PCDHA5: variants seen among roughly 807,000 people sequenced by gnomAD.
PCDHA5 encodes protocadherin alpha 5.
PCDHA5 carries 43 observed loss-of-function variants against 61.6 expected under a neutral mutation model. The ratio of observed to expected loss-of-function variants is 0.70; its 90% CI spans 0.55 to 0.90. The LOEUF is 0.90. Ranked by LOEUF, PCDHA5 falls within the 40% of genes least tolerant of loss-of-function variation. The pLI is 0.00. For missense variants in PCDHA5, 1,298 were observed against 1,222.7 expected, an observed-to-expected ratio of 1.06 and a Z score of -0.92; for synonymous variants, 627 against 543.9, an observed-to-expected ratio of 1.15 and a Z score of -2.13.
rs2150351918 is a variant in PCDHA5, at chr5:140,843,075, TG to T, written c.2352+18951del. ...GCGAGCAAGCTGGTGCCGCGGTCTG[TG>T]GGCGCGGGCCACGTGGTAGCGAAGG... On this transcript the variant is annotated intron_variant, in intron 1 of 3. Coordinates refer to ENST00000529859, the MANE Select transcript of PCDHA5 (RefSeq NM_018908.3). 2.6e-5 allele frequency: 42 copies of T among 1,595,158 alleles called. 6 individuals carry two copies. Among genetic ancestry groups the T allele is most frequent in the Non-Finnish European group, 1.6e-5 (19 of 1,165,272 alleles).
intron 3 of PCDHA5, among the ~76,000 whole-genome samples, chr5:140,991,068 T>A (rs1563570560): frequency 6.6e-6 from 1 of 152,216 alleles, no homozygotes; most frequent in Admixed American, 6.5e-5. Flanking sequence ...ATTATTCCCA[T>A]GTTTCAGATA....
chr5:140,936,744 T>A (rs1204618787), intron 1 of PCDHA5, among the ~76,000 whole-genome samples: 5 of 152,216 alleles, frequency 3.3e-5, no homozygotes, highest in Non-Finnish European at 5.9e-5. Context: ...AACTTTTCAT[T>A]TGTATTGATA....
At position 140,903,816 on chromosome 5, in the gene PCDHA5, C is replaced by T. The variant is rs963125816; in HGVS notation, c.2353-75133C>T. On this transcript the variant is annotated intron_variant, in intron 1 of 3. Coordinates refer to ENST00000529859, the MANE Select transcript of PCDHA5 (RefSeq NM_018908.3). ...TTGTAATTGACAAGTATAGTTCTCACATGAATGTCTGTTGGTATTTTCATT... is the reference window on the plus strand; with the variant it reads ...TTGTAATTGACAAGTATAGTTCTCATATGAATGTCTGTTGGTATTTTCATT... Among the ~76,000 whole-genome samples, 7 of 152,190 alleles carry T rather than the reference C, an allele frequency of 4.6e-5. 1 individual carries two copies. The highest frequency in any genetic ancestry group is 2.6e-4 in the Admixed American group (4 of 15,282).
At position 140,978,971 on chromosome 5, in the gene PCDHA5, G is replaced by T. The variant is rs782774245; in HGVS notation, c.2375G>T (p.Trp792Leu). Residue 792 changes from tryptophan (W) to leucine (L), a missense_variant, in exon 2 of 4, where the codon TGG becomes TTG. Physicochemically the swap from Trp to Leu is moderately conservative, Grantham distance 61 (BLOSUM62 -2). Coordinates refer to ENST00000529859, the MANE Select transcript of PCDHA5 (RefSeq NM_018908.3). ...TDNPRQPNPD[W>L]RYSASLRAGM... is the part of the protein sequence containing the mutation. ...CAGCCACGACAGCCCAACCCTGACT[G>T]GCGTTACTCTGCCTCCCTGAGAGCA... The T allele has an allele frequency of 6.2e-7, 1 of 1,614,170 alleles. No individual in the cohort carries two copies. The highest frequency in any genetic ancestry group is 1.1e-5 in the South Asian group (1 of 91,076).
At position 140,823,407 on chromosome 5, in the gene PCDHA5, G is replaced by A. The variant is rs1554129331; in HGVS notation, c.1632G>A (p.Leu544=). 18 of 1,613,060 alleles carry A rather than the reference G, an allele frequency of 1.1e-5. No individual in the cohort carries two copies. The highest frequency in any genetic ancestry group is 1.4e-5 in the Non-Finnish European group (16 of 1,179,812). ...VSARDAGVPP[L]GSNVTLQVFV... ...CGCGCGACGCGGGCGTGCCGCCTCT[G>A]GGCAGCAACGTGACGCTGCAGGTGT... The change falls in exon 1 of 4, where the codon CTG becomes CTA. Residue 544 remains leucine (L), a synonymous_variant. Coordinates refer to ENST00000529859, the MANE Select transcript of PCDHA5 (RefSeq NM_018908.3).
rs185233104 is a variant in PCDHA5, at chr5:140,979,751, C to T, written c.2411+744C>T. 6.6e-5 allele frequency among the ~76,000 whole-genome samples: 10 copies of T among 152,136 alleles called. No individual in the cohort carries two copies. The South Asian group carries it at 1.2e-3, about 19-fold the overall frequency. On this transcript the variant is annotated intron_variant, in intron 2 of 3. Coordinates refer to ENST00000529859, the MANE Select transcript of PCDHA5 (RefSeq NM_018908.3). ...GGCCAAATAAAAGATTCATTATTTG[C>T]GAATGTCTTTGGAAACCAAATGGGA...
intron 1 of PCDHA5, chr5:140,857,097 T>A: frequency 6.3e-7 from 1 of 1,597,284 alleles, no homozygotes; most frequent in South Asian, 1.1e-5. Context: ...CCTGAGGTGA[T>A]TGTCACTTCT....
In PCDHA5 at chr5:140,822,230, C is replaced by T. The variant is rs1767239116; in HGVS notation, c.455C>T (p.Pro152Leu). 1.2e-6 allele frequency: 2 copies of T among 1,614,084 alleles called. No homozygotes were observed. The highest frequency in any genetic ancestry group is 8.5e-7 in the Non-Finnish European group (1 of 1,180,050). ...LESRMPDSRF[P>L]LEGASDLDIG... ...TCAAGAATGCCAGATTCGCGGTTTC[C>T]GCTAGAGGGCGCGTCGGATTTGGAT... The change falls in exon 1 of 4, where the codon CCG (proline) becomes CTG (leucine). Residue 152 changes from proline to leucine, a missense_variant. Pro to Leu is a moderately conservative substitution (Grantham distance 98). Coordinates refer to ENST00000529859, the MANE Select transcript of PCDHA5 (RefSeq NM_018908.3).
intron 1 of PCDHA5, chr5:140,850,039 G>A (rs1554143677): frequency 1.3e-6 from 2 of 1,596,568 alleles, no homozygotes; most frequent in African/African-American, 2.7e-5. Flanking sequence ...GCGGAGAGCG[G>A]CAAGGTGTAC....
At chr5:140,862,623 G>T in intron 1 of PCDHA5, 1 of 531,204 alleles carries the variant, frequency 1.9e-6, no homozygotes, top group Non-Finnish European at 3.8e-6. Context: ...ACAACCCGCG[G>T]GGCTGCCACG....
At chr5:140,942,681 A>G (rs1554215168) in intron 1 of PCDHA5, among the ~76,000 whole-genome samples, 1 of 152,206 alleles carries the variant, frequency 6.6e-6, no homozygotes, top group African/African-American at 2.4e-5. Flanking sequence ...AGTTTTAGGA[A>G]TAACTTTAAT....
At chr5:140,838,077 AGTGTGTGTGTGTGTGTGTGTGTGTGT>A (rs57130401) in intron 1 of PCDHA5, among the ~76,000 whole-genome samples, 3 of 80,664 alleles carry the variant, frequency 3.7e-5, no homozygotes, top group South Asian at 4.3e-4. Context: ...ATATATATAT[AGTGTGTGTGTGTGTGTGTGTGTGTGT>A]GTGTGTGTGT....
At chr5:140,898,972 C>G (rs1180112967) in intron 1 of PCDHA5, among the ~76,000 whole-genome samples, 2 of 151,980 alleles carry the variant, frequency 1.3e-5, no homozygotes, top group African/African-American at 4.8e-5. Flanking sequence ...GGAGTTCACT[C>G]ATGATTTGGC....
At chr5:140,976,888 A>C (rs1050816491) in intron 1 of PCDHA5, among the ~76,000 whole-genome samples, 1 of 152,218 alleles carries the variant, frequency 6.6e-6, no homozygotes, top group Non-Finnish European at 1.5e-5. Context: ...ATTAGGATAC[A>C]TGCAACAGTA....
At chr5:140,837,655 T>C (rs1323533582) in intron 1 of PCDHA5, among the ~76,000 whole-genome samples, 3 of 151,204 alleles carry the variant, frequency 2.0e-5, no homozygotes, top group Non-Finnish European at 4.4e-5. Context: ...CTTTCTTCCT[T>C]TTTCTTTCAT....
intron 1 of PCDHA5, among the ~76,000 whole-genome samples, chr5:140,933,589 G>T (rs1369666636): frequency 8.6e-5 from 13 of 152,012 alleles, no homozygotes; most frequent in Non-Finnish European, 2.9e-5. Context: ...GGGTTTTTAG[G>T]TTGATTTGTC....
At chr5:140,856,807 T>C in intron 1 of PCDHA5, 1 of 1,594,936 alleles carries the variant, frequency 6.3e-7, no homozygotes, top group Non-Finnish European at 8.6e-7. Context: ...TGTATGAAAA[T>C]CAAGTGAACC....
At chr5:140,954,787 T>C (rs2095088208) in intron 1 of PCDHA5, among the ~76,000 whole-genome samples, 1 of 152,218 alleles carries the variant, frequency 6.6e-6, no homozygotes, top group African/African-American at 2.4e-5. Flanking sequence ...TAGATCTCAT[T>C]TGTCAATTTT....
chr5:140,974,394 A>G (rs1554236015), intron 1 of PCDHA5, among the ~76,000 whole-genome samples: 1 of 152,212 alleles, frequency 6.6e-6, no homozygotes, highest in Non-Finnish European at 1.5e-5. Context: ...CCCATTAGGT[A>G]TGTTCTAAAG....
Sources: gnomAD v4.1 joint callset for allele counts (sites outside exome capture counted in the v4.1 genomes callset) on GRCh38, gnomAD v4.1.1 for gene constraint, MANE v1.5 for transcripts, NCBI Gene and HGNC (gene_info 2026-07-23, HGNC 2026-07-21) for gene names.